LRP1B: variants seen among roughly 807,000 people sequenced by gnomAD.
The protein encoded by LRP1B is LDL receptor related protein 1B.
A neutral mutation model predicts 556.6 loss-of-function variants in LRP1B; 217 were observed. The ratio of observed to expected loss-of-function variants is 0.39; its 90% CI spans 0.35 to 0.44. LRP1B has a LOEUF of 0.44. Among genes scored for constraint, LRP1B ranks in the 20% least tolerant of loss-of-function variants. The pLI is 1.00. For missense variants in LRP1B, 5,053 were observed against 5,620.8 expected (o/e 0.90, Z 3.23); for synonymous variants, 2,047 against 1,865.8 (o/e 1.10, Z -2.50).
chr2:141,163,170 C>T (rs1420563761), intron 7 of LRP1B, among the ~76,000 whole-genome samples: 3 of 152,082 alleles, frequency 2.0e-5, no homozygotes, highest in Non-Finnish European at 4.4e-5. Context: ...GGTATTACCA[C>T]ACAAATAGAC....
At chr2:140,476,147 T>A (rs1687965419) in intron 59 of LRP1B, among the ~76,000 whole-genome samples, 1 of 152,018 alleles carries the variant, frequency 6.6e-6, no homozygotes, top group South Asian at 2.1e-4. Context: ...TACTTAGACG[T>A]TTTTCTCTGT....
chr2:140,373,084 C>T lies in LRP1B; in HGVS notation c.10692G>A (p.Gln3564=), dbSNP rs1259134115. ...SKDQFRCSNG[Q]CIPAKWKCDG... ...CACATTTCCATTTTGCTGGTATACA[C>T]TGACCATTGGAACACCGGAACTGAT... Residue 3564 remains glutamine, a synonymous_variant, in exon 69 of 91, where the codon CAG becomes CAA. Coordinates refer to ENST00000389484, the MANE Select transcript of LRP1B (RefSeq NM_018557.3). The T allele has an allele frequency of 6.2e-7, 1 of 1,613,398 alleles. No individual in the cohort carries two copies.
At chr2:142,106,947 T>C (rs1023445313) in intron 1 of LRP1B, among the ~76,000 whole-genome samples, 1 of 152,092 alleles carries the variant, frequency 6.6e-6, no homozygotes, top group Non-Finnish European at 1.5e-5. Flanking sequence ...GCATATGTTA[T>C]AAAAATAATT....
chr2:141,615,641 A>G (rs941371543), intron 2 of LRP1B, among the ~76,000 whole-genome samples: 3 of 152,172 alleles, frequency 2.0e-5, no homozygotes, highest in Non-Finnish European at 4.4e-5. Context: ...TTGTGTTTAC[A>G]ATAGATAAAC....
At chr2:140,592,935 GACACACACAC>G (rs10594387) in intron 43 of LRP1B, among the ~76,000 whole-genome samples, 46,182 of 148,890 alleles carry the variant, frequency 0.31, 7,244 homozygotes, top group African/African-American at 0.35. Context: ...GTGAGATCCT[GACACACACAC>G]ACACACACAC....
At chr2:140,401,553 A>G (rs1684502958) in intron 66 of LRP1B, among the ~76,000 whole-genome samples, 1 of 152,192 alleles carries the variant, frequency 6.6e-6, no homozygotes, top group Admixed American at 6.5e-5. Flanking sequence ...CACCTGAGAT[A>G]GGCCCTGCCT....
intron 1 of LRP1B, among the ~76,000 whole-genome samples, chr2:141,967,806 T>C (rs1384943548): frequency 6.6e-6 from 1 of 151,892 alleles, no homozygotes; most frequent in Non-Finnish European, 1.5e-5. Flanking sequence ...TGATATTTAC[T>C]ATAAGCCTGT....
intron 3 of LRP1B, among the ~76,000 whole-genome samples, chr2:141,285,908 T>C (rs1487629622): frequency 1.3e-5 from 2 of 149,090 alleles, no homozygotes; most frequent in African/African-American, 2.4e-5. Context: ...CTACTAAAAA[T>C]ACAAAAAAAT....
chr2:141,747,712 T>C (rs1233028390), intron 2 of LRP1B, among the ~76,000 whole-genome samples: 1 of 152,232 alleles, frequency 6.6e-6, no homozygotes, highest in Non-Finnish European at 1.5e-5. Flanking sequence ...ACATTGTGTT[T>C]GGGTAATAGG....
intron 2 of LRP1B, among the ~76,000 whole-genome samples, chr2:141,593,804 C>A (rs1269558048): frequency 6.6e-6 from 1 of 151,522 alleles, no homozygotes; most frequent in Non-Finnish European, 1.5e-5. Flanking sequence ...AAAACAGTCA[C>A]TTGGTGAGAG....
chr2:140,301,921 A>G (rs1057245104), intron 83 of LRP1B, among the ~76,000 whole-genome samples: 1 of 151,822 alleles, frequency 6.6e-6, no homozygotes, highest in Non-Finnish European at 1.5e-5. Context: ...ACATATATAT[A>G]CATATATACA....
intron 7 of LRP1B, among the ~76,000 whole-genome samples, chr2:141,103,522 T>TTCTCTCTC (rs61008140): frequency 1.1e-4 from 16 of 149,026 alleles, no homozygotes; most frequent in African/African-American, 3.7e-4. Context: ...AGCACACACA[T>TTCTCTCTC]TCTCTCTCTC....
rs115877059 is a variant in LRP1B at position 141,878,594 on chromosome 2, A to G, written c.83-68193T>C. On this transcript the variant is annotated intron_variant, in intron 1 of 90. Coordinates refer to ENST00000389484, the MANE Select transcript of LRP1B (RefSeq NM_018557.3). ...GGTATATTTCAAAAGAAAGATAGTAATATTTCCCCTTTTGAGGTGTTGATA... is the reference window on the plus strand; with the variant it reads ...GGTATATTTCAAAAGAAAGATAGTAGTATTTCCCCTTTTGAGGTGTTGATA... 9.5e-3 allele frequency among the ~76,000 whole-genome samples: 1,441 copies of G among 152,110 alleles called. 18 individuals are homozygous for G. Among genetic ancestry groups the G allele is most frequent in the African/African-American group, 0.033 (1,387 of 41,536 alleles).
chr2:140,537,527 G>A, intron 45 of LRP1B, among the ~76,000 whole-genome samples: 1 of 152,104 alleles, frequency 6.6e-6, no homozygotes, highest in Non-Finnish European at 1.5e-5. Flanking sequence ...TCCCATCCAT[G>A]TGTGGGAGGT....
intron 3 of LRP1B, among the ~76,000 whole-genome samples, chr2:141,408,129 G>A (rs1038923217): frequency 7.0e-6 from 1 of 143,466 alleles, no homozygotes; most frequent in African/African-American, 2.6e-5. Flanking sequence ...AAAATGCAAG[G>A]AATTTGGTTC....
In LRP1B at chr2:140,534,151, A is replaced by C; in HGVS notation, c.7643-11T>G. Reference sequence around the variant, plus strand: ...GACAGCTTCTGTTTTCTTATAAATAAAAGTAGAAACACACAACCAGAGATC... The same window carrying C: ...GACAGCTTCTGTTTTCTTATAAATACAAGTAGAAACACACAACCAGAGATC... On this transcript the variant is annotated splice_polypyrimidine_tract_variant and intron_variant, in intron 46 of 90. Transcript: ENST00000389484. 1 of 1,607,574 alleles carries C rather than the reference A, an allele frequency of 6.2e-7. No individual in the cohort carries two copies. The highest frequency in any genetic ancestry group is 2.2e-5 in the East Asian group (1 of 44,746).
At chr2:140,872,851 GA>G (rs942943021) in intron 25 of LRP1B, among the ~76,000 whole-genome samples, 45 of 144,086 alleles carry the variant, frequency 3.1e-4, no homozygotes, top group South Asian at 8.8e-4. Context: ...TCTAAGACAA[GA>G]AAAAAAAAAG....
intron 2 of LRP1B, among the ~76,000 whole-genome samples, chr2:141,734,852 C>T (rs1693406441): frequency 1.3e-5 from 2 of 152,254 alleles, no homozygotes; most frequent in East Asian, 3.9e-4. Context: ...TAAGCACCTG[C>T]ACTCTAGTTC....
Position 141,378,200 on chromosome 2 carries a change from G to T in LRP1B, c.343+102196C>A, listed in dbSNP as rs78094291. Among the ~76,000 whole-genome samples, 840 of 152,222 alleles carry T rather than the reference G, an allele frequency of 5.5e-3. 10 individuals carry two copies. Among genetic ancestry groups the T allele is most frequent in the African/African-American group, 0.019 (808 of 41,562 alleles). ...ATATTCAATATATCCACATTTCAAA[G>T]AAATAATTTTGAAGCCTGTGAAGAA... On this transcript the variant is annotated intron_variant, in intron 3 of 90. Transcript: ENST00000389484.
Sources: allele counts gnomAD v4.1 joint callset (sites outside exome capture counted in the v4.1 genomes callset), GRCh38; gene constraint gnomAD v4.1.1; transcripts MANE v1.5; gene names NCBI Gene and HGNC (gene_info 2026-07-23, HGNC 2026-07-21).